The following PCDHGA10 variants were observed in gnomAD, a reference collection of about 807,000 sequenced individuals.
PCDHGA10 encodes protocadherin gamma-A10.
A neutral mutation model predicts 59.5 loss-of-function variants in PCDHGA10; 42 were observed. That is an observed-to-expected ratio of 0.71 (90% CI 0.55 to 0.91). The LOEUF (loss-of-function observed/expected upper bound fraction) is 0.91. PCDHGA10 is among the 40% of genes least tolerant of loss of function. PCDHGA10 has a pLI of 0.00. For synonymous variants in PCDHGA10, 511 were observed against 517.2 expected, an observed-to-expected ratio of 0.99 and a Z score of 0.16; for missense variants, 1,111 against 1,198.2, an observed-to-expected ratio of 0.93 and a Z score of 1.07.
intron 1 of PCDHGA10, among the ~76,000 whole-genome samples, chr5:141,483,644 G>GTGTT (rs919432945): frequency 6.8e-6 from 1 of 146,522 alleles, no homozygotes; most frequent in Non-Finnish European, 1.5e-5. Flanking sequence ...AGAGGGGTGT[G>GTGTT]TGTTTGTGTG....
At chr5:141,504,236 C>A (rs1011850372) in intron 2 of PCDHGA10, among the ~76,000 whole-genome samples, 2 of 152,194 alleles carry the variant, frequency 1.3e-5, no homozygotes, top group African/African-American at 4.8e-5. Flanking sequence ...TTCTAAGAAG[C>A]AGAGAGTTCT....
rs187713374 is a variant in PCDHGA10, at chr5:141,430,744, C to G, written c.2436+15133C>G. 2.5e-4 allele frequency: 380 copies of G among 1,498,404 alleles called. 1 individual carries two copies. In the African/African-American group the frequency reaches 4.6e-3, roughly 18 times the overall value. The allele number at this position is 1,498,404 out of a possible 1,614,324, so 92.8% of individuals were successfully genotyped here. A position where few individuals can be genotyped will look rare whatever the true frequency, so the allele number is the denominator to read the frequency against. ...GTTAAGGGCAGAATTGAAAATAATTCTGGAGGAAGATAAGAATGATTCCTG... is the reference window on the plus strand; with the variant it reads ...GTTAAGGGCAGAATTGAAAATAATTGTGGAGGAAGATAAGAATGATTCCTG... On this transcript the variant is annotated intron_variant, in intron 1 of 3. Coordinates refer to ENST00000398610, the MANE Select transcript of PCDHGA10 (RefSeq NM_018913.3).
At chr5:141,450,489 CTG>C (rs2098682348) in intron 1 of PCDHGA10, among the ~76,000 whole-genome samples, 1 of 150,280 alleles carries the variant, frequency 6.7e-6, no homozygotes, top group Admixed American at 6.6e-5. Context: ...GTTTGTTTGT[CTG>C]TTTGTTTGTT....
chr5:141,441,343 C>T (rs2098240806), intron 1 of PCDHGA10: 1 of 152,368 alleles, frequency 6.6e-6, no homozygotes, highest in African/African-American at 2.4e-5. Flanking sequence ...TAATTAACTA[C>T]ATGCTTGTAA....
At chr5:141,448,802 A>G (rs897172074) in intron 1 of PCDHGA10, among the ~76,000 whole-genome samples, 14 of 152,044 alleles carry the variant, frequency 9.2e-5, no homozygotes, top group Non-Finnish European at 1.8e-4. Flanking sequence ...AAAATTAGCC[A>G]GGCGTGATGG....
intron 1 of PCDHGA10, chr5:141,420,184 A>G: frequency 5.0e-6 from 8 of 1,613,990 alleles, no homozygotes; most frequent in Non-Finnish European, 6.8e-6. Context: ...ATCATTGTCC[A>G]GCCACACAAG....
Position 141,431,633 on chromosome 5 carries a change from T to A in PCDHGA10, c.2436+16022T>A. ...TGTGGACGACAAGGCGGCCCAAGTT[T>A]TCAAACTAGATTGTAATTCAGGGAC... On this transcript the variant is annotated intron_variant, in intron 1 of 3. Coordinates refer to ENST00000398610, the MANE Select transcript of PCDHGA10 (RefSeq NM_018913.3). The surrounding 1 kb of genome is among the most constrained non-coding windows in gnomAD (Gnocchi z 4.8). 1 of 1,614,240 alleles carries A rather than the reference T, an allele frequency of 6.2e-7. No individual in the cohort carries two copies. The highest frequency in any genetic ancestry group is 8.5e-7 in the Non-Finnish European group (1 of 1,180,048).
intron 2 of PCDHGA10, among the ~76,000 whole-genome samples, chr5:141,505,177 A>T (rs917485235): frequency 6.6e-6 from 1 of 152,180 alleles, no homozygotes. Context: ...AAAAGAAAAA[A>T]GCATCGGAGG....
chr5:141,510,994 G>A lies in PCDHGA10; in HGVS notation c.2632G>A (p.Gly878Arg). ...CCTGGGAGGGGGTGCCGGCACCATG[G>A]GATTGAGCGCCCGCTACGGACCCCA... ...STLGGGAGTM[G>R]LSARYGPQFT... The change falls in exon 4 of 4, where the codon GGA becomes AGA. Residue 878 changes from glycine to arginine, a missense_variant. Physicochemically the swap from Gly to Arg is moderately radical, Grantham distance 125 (BLOSUM62 -2). Transcript: ENST00000398610. 1 of 1,614,168 alleles carries A rather than the reference G, an allele frequency of 6.2e-7. No homozygotes were observed. Among genetic ancestry groups the A allele is most frequent in the Non-Finnish European group, 8.5e-7 (1 of 1,180,022 alleles).
Position 141,504,710 on chromosome 5 carries a change from G to A in PCDHGA10, c.2496-683G>A, listed in dbSNP as rs528205869. The stretch of plus-strand genomic sequence containing the variant: ...AGGAGGGGCAGGTTCTTCTATGGCC[G>A]TGGATTTTACTCTGAGGGCTTAGGA... On this transcript the variant is annotated intron_variant, in intron 2 of 3. Transcript: ENST00000398610. Among the ~76,000 whole-genome samples the A allele has an allele frequency of 1.4e-4, 21 of 151,968 alleles. No homozygotes were observed. The East Asian group carries it at 3.7e-3, about 27-fold the overall frequency.
chr5:141,413,212 G>C lies in PCDHGA10; in HGVS notation c.37G>C (p.Asp13His). ...AAGGAATCGCTCAAAGGAATCAAAG[G>C]ATTGCAGCGGGCTGGTCCTGCTCTG... ...AQRNRSKESK[D>H]CSGLVLLCLF... is the part of the protein sequence containing the mutation. The change falls in exon 1 of 4, where the codon GAT (aspartate) becomes CAT (histidine). Residue 13 changes from aspartate (D) to histidine (H), a missense_variant. By Grantham distance (81) the Asp-to-His change is moderately conservative. Transcript: ENST00000398610. The C allele has an allele frequency of 1.2e-6, 2 of 1,613,268 alleles. No homozygotes were observed. The highest frequency in any genetic ancestry group is 1.7e-4 in the Middle Eastern group (1 of 6,042).
chr5:141,485,930 G>A lies in PCDHGA10; in HGVS notation c.2437-8877G>A. ...ATCCAGCTACAGGATTAGTGTGTTG[G>A]AGAGCGCACCAGCGGGCATGGTGCT... On this transcript the variant is annotated intron_variant, in intron 1 of 3. Transcript: ENST00000398610. This position sits in a 1 kb window ranked among gnomAD's most constrained non-coding sequence, Gnocchi z 5.7. The A allele has an allele frequency of 6.2e-7, 1 of 1,614,178 alleles. No homozygotes were observed. Among genetic ancestry groups the A allele is most frequent in the Non-Finnish European group, 8.5e-7 (1 of 1,180,042 alleles).
Position 141,491,208 on chromosome 5 carries a change from C to A in PCDHGA10, c.2437-3599C>A. ...TGAGGGACAATGGTGACCCTTCACT[C>A]TCCTCCACAGCCACAGTGCTGCTGG... On this transcript the variant is annotated intron_variant, in intron 1 of 3. Coordinates refer to ENST00000398610, the MANE Select transcript of PCDHGA10 (RefSeq NM_018913.3). The surrounding 1 kb of genome is among the most constrained non-coding windows in gnomAD (Gnocchi z 6.9). The A allele has an allele frequency of 6.2e-7, 1 of 1,614,204 alleles. No homozygotes were observed. Among genetic ancestry groups the A allele is most frequent in the African/African-American group, 1.3e-5 (1 of 75,058 alleles).
At chr5:141,499,343 G>C (rs1184175548) in intron 2 of PCDHGA10, among the ~76,000 whole-genome samples, 1 of 152,146 alleles carries the variant, frequency 6.6e-6, no homozygotes, top group Non-Finnish European at 1.5e-5. Context: ...AGTTTGGGCA[G>C]TCATTCAACA....
Position 141,477,864 on chromosome 5 carries a change from G to A in PCDHGA10, c.2437-16943G>A, listed in dbSNP as rs775055164. On this transcript the variant is annotated intron_variant, in intron 1 of 3. Transcript: ENST00000398610. The surrounding 1 kb of genome is among the most constrained non-coding windows in gnomAD (Gnocchi z 4.9). Reference sequence around the variant, plus strand: ...AGCTCGGTGGAGATGCTGCCTCGAGGTACCTCAGCTGGCCACCTAGTGTCA... The same window carrying A: ...AGCTCGGTGGAGATGCTGCCTCGAGATACCTCAGCTGGCCACCTAGTGTCA... 1.2e-6 allele frequency: 2 copies of A among 1,613,122 alleles called. No homozygotes were observed. The highest frequency in any genetic ancestry group is 4.5e-5 in the East Asian group (2 of 44,822).
chr5:141,441,954 C>T, intron 1 of PCDHGA10: 1 of 319,608 alleles, frequency 3.1e-6, no homozygotes, highest in Non-Finnish European at 6.0e-6. Context: ...TGCAGGCCAG[C>T]AAGCCCAGGC....
At chr5:141,418,436 G>A in intron 1 of PCDHGA10, 1 of 1,614,000 alleles carries the variant, frequency 6.2e-7, no homozygotes. Flanking sequence ...CAAATATCCA[G>A]AATTAGTATT....
chr5:141,450,310 G>A (rs1364358879), intron 1 of PCDHGA10, among the ~76,000 whole-genome samples: 1 of 151,966 alleles, frequency 6.6e-6, no homozygotes, highest in Non-Finnish European at 1.5e-5. Context: ...ACCATGTGTG[G>A]CCTAGTTGCC....
intron 3 of PCDHGA10, among the ~76,000 whole-genome samples, chr5:141,507,777 CT>C (rs1213538221): frequency 6.6e-6 from 1 of 152,220 alleles, no homozygotes; most frequent in Admixed American, 6.5e-5. Context: ...CACACAGGGC[CT>C]GACCCTCGTC....
Sources: allele counts gnomAD v4.1 joint callset (sites outside exome capture counted in the v4.1 genomes callset), GRCh38; gene constraint gnomAD v4.1.1; non-coding constraint Gnocchi (gnomAD v3.1); transcripts MANE v1.5; gene names NCBI Gene and HGNC (gene_info 2026-07-23, HGNC 2026-07-21).